The following SMCHD1 variants were observed in gnomAD, a reference collection of about 807,000 sequenced individuals.
SMCHD1 encodes structural maintenance of chromosomes flexible hinge domain-containing protein 1.
SMCHD1 carries 78 observed loss-of-function variants against 254.7 expected under a neutral mutation model. The observed-to-expected ratio is 0.31, with a 90% CI of 0.26 to 0.37. SMCHD1 has a LOEUF of 0.37. Ranked by LOEUF, SMCHD1 falls within the 10% of genes least tolerant of loss-of-function variation. The probability of loss-of-function intolerance (pLI) is 1.00; values close to 1 mark genes in which losing one functional copy is unlikely to be tolerated. For synonymous variants in SMCHD1, 766 were observed against 794.9 expected (o/e 0.96, Z 0.61); for missense variants, 1,840 against 2,408.1 (o/e 0.76, Z 4.94).
chr18:2,719,220 C>A (rs565782917), intron 19 of SMCHD1, among the ~76,000 whole-genome samples: 41 of 150,482 alleles, frequency 2.7e-4, no homozygotes, highest in African/African-American at 9.5e-4. Flanking sequence ...CTTTTCTGTT[C>A]CTTTCCTTTC....
chr18:2,708,243 A>ACAGTATTG (rs2074566845), intron 17 of SMCHD1, among the ~76,000 whole-genome samples: 2 of 151,764 alleles, frequency 1.3e-5, no homozygotes, highest in African/African-American at 4.8e-5. Context: ...TTACAGTAAT[A>ACAGTATTG]ATTACAGTAT....
intron 29 of SMCHD1, 102 bp from the exon 30 acceptor site, chr18:2,747,420 A>T: frequency 9.6e-7 from 1 of 1,042,226 alleles, no homozygotes; most frequent in Non-Finnish European, 1.3e-6. Context: ...ATTTGCAAAT[A>T]GAACAGAGAT....
chr18:2,712,900 C>CCT (rs1000746178), intron 17 of SMCHD1, among the ~76,000 whole-genome samples: 1 of 152,194 alleles, frequency 6.6e-6, no homozygotes, highest in African/African-American at 2.4e-5. Context: ...TCTGGCCCTT[C>CCT]CTCTCTCTCC....
chr18:2,758,810 C>CCA (rs2075729621), intron 34 of SMCHD1, among the ~76,000 whole-genome samples: 1 of 152,122 alleles, frequency 6.6e-6, no homozygotes, highest in Non-Finnish European at 1.5e-5. Context: ...GCCCCCACCC[C>CCA]ATCCCCTGCC....
chr18:2,745,975 T>C (rs1004430098), intron 29 of SMCHD1, among the ~76,000 whole-genome samples: 2 of 152,242 alleles, frequency 1.3e-5, no homozygotes, highest in Non-Finnish European at 2.9e-5. Context: ...TACATTAACA[T>C]GATGAATAGA....
In SMCHD1 at chr18:2,688,540, T is replaced by G. The variant is rs368905626; in HGVS notation, c.753+32T>G. The G allele has an allele frequency of 6.3e-5, 101 of 1,597,684 alleles. No homozygotes were observed. The Middle Eastern group carries it at 6.6e-4, about 10-fold the overall frequency. On this transcript the variant is annotated intron_variant, in intron 6 of 47. Coordinates refer to ENST00000320876, the MANE Select transcript of SMCHD1 (RefSeq NM_015295.3). ...AAAAAGATTTCTTATAAATGAAAGT[T>G]GATCAAAATATTTTGAAGTTGACTC...
intron 39 of SMCHD1, among the ~76,000 whole-genome samples, chr18:2,770,599 AGTTTT>A (rs2075959814): frequency 6.6e-6 from 1 of 152,002 alleles, no homozygotes. Flanking sequence ...AGTTTGCTGC[AGTTTT>A]GTTTTGTTTA....
chr18:2,779,862 T>G (rs528706533), intron 44 of SMCHD1, among the ~76,000 whole-genome samples: 8 of 152,140 alleles, frequency 5.3e-5, no homozygotes, highest in Non-Finnish European at 1.2e-4. Flanking sequence ...GGTGGGGGAT[T>G]TGTCCCAAGT....
At position 2,655,972 on chromosome 18, in the gene SMCHD1, C is replaced by A. The variant is rs1011304974; in HGVS notation, c.-104C>A. 3.3e-5 allele frequency: 33 copies of A among 1,006,982 alleles called. 1 individual carries two copies. In the South Asian group the frequency reaches 1.5e-3, roughly 46 times the overall value. 62.4% of individuals were successfully genotyped at this position (1,006,982 alleles called of 1,614,324 possible). On this transcript the variant is annotated 5_prime_UTR_variant, in exon 1 of 48. Coordinates refer to ENST00000320876, the MANE Select transcript of SMCHD1 (RefSeq NM_015295.3). ...GCTGCAGCGCGCCGGGCCGAGGCCTCGAGCCGCCCCGGGAGCTGGAGCTGA... is the reference window on the plus strand; with the variant it reads ...GCTGCAGCGCGCCGGGCCGAGGCCTAGAGCCGCCCCGGGAGCTGGAGCTGA...
At chr18:2,670,986 G>C (rs959191479) in intron 3 of SMCHD1, among the ~76,000 whole-genome samples, 3 of 148,360 alleles carry the variant, frequency 2.0e-5, no homozygotes, top group African/African-American at 7.6e-5. Flanking sequence ...GCCCAGGCTG[G>C]AGTGCAATGG....
At chr18:2,715,961 G>A (rs566169371) in intron 17 of SMCHD1, among the ~76,000 whole-genome samples, 3 of 152,270 alleles carry the variant, frequency 2.0e-5, no homozygotes, top group Admixed American at 1.3e-4. Flanking sequence ...AACTGTCATA[G>A]CACCTTATTT....
chr18:2,770,714 A>G (rs1377666045), intron 39 of SMCHD1, among the ~76,000 whole-genome samples: 1 of 151,902 alleles, frequency 6.6e-6, no homozygotes, highest in Non-Finnish European at 1.5e-5. Context: ...TCTGCCTCCC[A>G]AGTTCAAGTG....
intron 28 of SMCHD1, among the ~76,000 whole-genome samples, chr18:2,741,025 T>C (rs1472204895): frequency 6.6e-6 from 1 of 152,214 alleles, no homozygotes; most frequent in Non-Finnish European, 1.5e-5. Flanking sequence ...TCCCATCATC[T>C]TCAACAGTCA....
chr18:2,710,167 G>A (rs1281517331), intron 17 of SMCHD1, among the ~76,000 whole-genome samples: 3 of 152,150 alleles, frequency 2.0e-5, no homozygotes, highest in Non-Finnish European at 4.4e-5. Flanking sequence ...TTTCTCTATT[G>A]AATTGTTTTG....
chr18:2,707,496 G>A (rs1000614495), intron 15 of SMCHD1, 67 bp from the exon 16 acceptor site: 56 of 901,618 alleles, frequency 6.2e-5, no homozygotes, highest in African/African-American at 1.2e-4. Context: ...CTAATAACTC[G>A]TATCTTTTTA....
intron 25 of SMCHD1, among the ~76,000 whole-genome samples, chr18:2,733,095 A>G (rs144034097): frequency 6.6e-6 from 1 of 152,358 alleles, no homozygotes; most frequent in African/African-American, 2.4e-5. Context: ...GTCTTATTAC[A>G]TAAAGTAGAC....
At chr18:2,737,722 A>G (rs1161084899) in intron 25 of SMCHD1, among the ~76,000 whole-genome samples, 2 of 152,208 alleles carry the variant, frequency 1.3e-5, no homozygotes, top group African/African-American at 4.8e-5. Flanking sequence ...ACCAAAAATA[A>G]AAATAGAATA....
At position 2,762,147 on chromosome 18, in the gene SMCHD1, C is replaced by T; in HGVS notation, c.4477C>T (p.Pro1493Ser). ...GCCTAATCAACCTGTGAAGTTAGTA[C>T]CTAAAATTAAACCACCTACACCAGC... is the stretch of plus-strand genomic sequence containing the variant. The part of the protein sequence containing the change: ...VLPNQPVKLV[P>S]KIKPPTPAVS... The change falls in exon 36 of 48, where the codon CCT becomes TCT. Residue 1493 changes from proline to serine, a missense_variant. Pro to Ser is a moderately conservative substitution (Grantham distance 74, BLOSUM62 -1). Transcript: ENST00000320876. 1 of 1,613,562 alleles carries T rather than the reference C, an allele frequency of 6.2e-7. No homozygotes were observed. The highest frequency in any genetic ancestry group is 1.3e-5 in the African/African-American group (1 of 75,016).
At chr18:2,709,018 A>G (rs1039992527) in intron 17 of SMCHD1, among the ~76,000 whole-genome samples, 4 of 147,974 alleles carry the variant, frequency 2.7e-5, no homozygotes, top group African/African-American at 7.4e-5. Flanking sequence ...CTGAAACTCT[A>G]TAGTAATAAC....
Sources: gnomAD v4.1 joint callset for allele counts (sites outside exome capture counted in the v4.1 genomes callset) on GRCh38, gnomAD v4.1.1 for gene constraint, MANE v1.5 for transcripts, NCBI Gene and HGNC (gene_info 2026-07-23, HGNC 2026-07-21) for gene names.